Variants in PACS2 observed in about 807,000 individuals in gnomAD.
The protein encoded by PACS2 is phosphofurin acidic cluster sorting protein 2.
PACS2 carries 36 observed loss-of-function variants against 113.0 expected under a neutral mutation model. That is an observed-to-expected ratio of 0.32 (90% CI 0.24 to 0.42). The LOEUF (loss-of-function observed/expected upper bound fraction) is 0.42. Among genes scored for constraint, PACS2 ranks in the 10% least tolerant of loss-of-function variants. The pLI, the probability that PACS2 is intolerant of heterozygous loss-of-function variation, is 1.00. For synonymous variants in PACS2, 589 were observed against 536.1 expected (o/e 1.10, Z -1.36); for missense variants, 1,015 against 1,239.5 (o/e 0.82, Z 2.72).
chr14:105,335,042 A>G (rs1297695592), intron 1 of PACS2, among the ~76,000 whole-genome samples: 2 of 152,208 alleles, frequency 1.3e-5, no homozygotes, highest in African/African-American at 4.8e-5. Flanking sequence ...CCTTCGGGTG[A>G]CTGAGACAGA....
In PACS2 at chr14:105,315,777, G is replaced by T. The variant is rs1247633695; in HGVS notation, c.119+740G>T. On this transcript the variant is annotated intron_variant, in intron 1 of 24. Transcript: ENST00000447393. This position sits in a 1 kb window ranked among gnomAD's most constrained non-coding sequence, Gnocchi z 4.4. ...GTCTCCTGCTCAGTTTGAAACTTTT[G>T]TAATTTCTTCGTGACTTGGTAGTTC... 6.6e-6 allele frequency among the ~76,000 whole-genome samples: 1 copy of T among 152,250 alleles called. No homozygotes were observed. The highest frequency in any genetic ancestry group is 2.4e-5 in the African/African-American group (1 of 41,470).
At chr14:105,353,941 G>C (rs1476930337) in intron 3 of PACS2, among the ~76,000 whole-genome samples, 1 of 151,938 alleles carries the variant, frequency 6.6e-6, no homozygotes, top group East Asian at 2.0e-4. Flanking sequence ...GCCGGGTGTG[G>C]TGGCTCATGC....
Position 105,357,443 on chromosome 14 carries a change from T to A in PACS2, c.423+2266T>A, listed in dbSNP as rs1255920171. On this transcript the variant is annotated intron_variant, in intron 4 of 24. Transcript: ENST00000447393. This position sits in a 1 kb window ranked among gnomAD's most constrained non-coding sequence, Gnocchi z 5.1. The stretch of plus-strand genomic sequence containing the variant: ...CCTGTGGCTTCCAAAGCCGAGGTCA[T>A]CTGACTGCTCCTCGCTCTCCCCTCC... 6.6e-6 allele frequency among the ~76,000 whole-genome samples: 1 copy of A among 152,114 alleles called. No individual in the cohort carries two copies. The highest frequency in any genetic ancestry group is 2.4e-5 in the African/African-American group (1 of 41,424).
intron 20 of PACS2, 77 bp downstream of exon 20, chr14:105,390,080 A>G: frequency 8.0e-7 from 1 of 1,244,970 alleles, no homozygotes; most frequent in Non-Finnish European, 1.2e-6. Flanking sequence ...ACGTTTGGGG[A>G]TTGACTCGAT....
In PACS2 at chr14:105,356,377, C is replaced by G. The variant is rs2060448043; in HGVS notation, c.423+1200C>G. ...TCGCTTCTCCGTGCCGCCGCAGGGC[C>G]TCAGACAAGCTTTGCAGTCTTCCCG... On this transcript the variant is annotated intron_variant, in intron 4 of 24. Coordinates refer to ENST00000447393, the MANE Select transcript of PACS2 (RefSeq NM_001100913.3). The surrounding 1 kb of genome is among the most constrained non-coding windows in gnomAD (Gnocchi z 4.0). Among the ~76,000 whole-genome samples, 2 of 152,218 alleles carry G rather than the reference C, an allele frequency of 1.3e-5. No individual in the cohort carries two copies. Among genetic ancestry groups the G allele is most frequent in the African/African-American group, 4.8e-5 (2 of 41,456 alleles).
At chr14:105,362,393 G>A (rs1315467673) in intron 4 of PACS2, among the ~76,000 whole-genome samples, 2 of 149,904 alleles carry the variant, frequency 1.3e-5, no homozygotes, top group African/African-American at 5.0e-5. Flanking sequence ...CTCCAGCCTG[G>A]GCGACAGAGC....
chr14:105,352,439 C>T lies in PACS2; in HGVS notation c.269C>T (p.Thr90Ile). 1 of 1,611,228 alleles carries T rather than the reference C, an allele frequency of 6.2e-7. No individual in the cohort carries two copies. Among genetic ancestry groups the T allele is most frequent in the Non-Finnish European group, 8.5e-7 (1 of 1,177,592 alleles). ...CTGCCCCCCAGTGGACAAGTGGAGA[C>T]AGACCTGGCCCTGACCTTCTCCTTG... is the stretch of plus-strand genomic sequence containing the variant. ...IVLPPSGQVE[T>I]DLALTFSLQY... Residue 90 changes from threonine to isoleucine, a missense_variant, in exon 3 of 25, where the codon ACA becomes ATA. By Grantham distance (89) the Thr-to-Ile change is moderately conservative (BLOSUM62 -1). Around this residue, in one of 3 missense-constraint regions of PACS2, gnomAD observed 140 missense variants for 135.1 expected, o/e 1.04. Transcript: ENST00000447393.
At chr14:105,318,209 C>T (rs2058745976) in intron 1 of PACS2, among the ~76,000 whole-genome samples, 1 of 152,228 alleles carries the variant, frequency 6.6e-6, no homozygotes, top group Admixed American at 6.5e-5. Context: ...TCTTGAACTC[C>T]TGGGCTCAAG....
chr14:105,326,168 C>T (rs943381396), intron 1 of PACS2, among the ~76,000 whole-genome samples: 2 of 152,222 alleles, frequency 1.3e-5, no homozygotes, highest in South Asian at 2.1e-4. Context: ...TCTCCAGGGC[C>T]GCCTCGAGAC....
chr14:105,351,955 C>T lies in PACS2; in HGVS notation c.208-423C>T, dbSNP rs1555404061. Among the ~76,000 whole-genome samples, 3 of 152,362 alleles carry T rather than the reference C, an allele frequency of 2.0e-5. No individual in the cohort carries two copies. The East Asian group carries it at 5.8e-4, about 29-fold the overall frequency. The stretch of plus-strand genomic sequence containing the variant: ...GGAGGATTGCTTGAGCCCGGGAGCT[C>T]AAGTCCAGCCTGAGCAACACAGCGA... On this transcript the variant is annotated intron_variant, in intron 2 of 24. Transcript: ENST00000447393.
chr14:105,348,798 A>G lies in PACS2; in HGVS notation c.207+218A>G. The G allele has an allele frequency of 1.9e-6, 1 of 529,256 alleles. No individual in the cohort carries two copies. The highest frequency in any genetic ancestry group is 3.4e-6 in the Non-Finnish European group (1 of 293,292). 32.8% of individuals were successfully genotyped at this position (529,256 alleles called of 1,614,324 possible). Reference sequence around the variant, plus strand: ...GCAGGCCCGGCCTTCTGGGATGTGGAGGTCACATGCATGGGGCCTTCCCAG... The same window carrying G: ...GCAGGCCCGGCCTTCTGGGATGTGGGGGTCACATGCATGGGGCCTTCCCAG... On this transcript the variant is annotated intron_variant, in intron 2 of 24. Transcript: ENST00000447393. The surrounding 1 kb of genome is among the most constrained non-coding windows in gnomAD (Gnocchi z 6.4).
intron 7 of PACS2, 90 bp from the exon 8 acceptor site, chr14:105,369,751 C>A (rs2061081010): frequency 6.9e-6 from 8 of 1,156,062 alleles, no homozygotes; most frequent in Admixed American, 4.1e-5. Context: ...CCACGGCGGG[C>A]CTGGGTGCGG....
At position 105,380,958 on chromosome 14, in the gene PACS2, G is replaced by C. The variant is rs1029102035; in HGVS notation, c.1127G>C (p.Gly376Ala). 1.9e-6 allele frequency: 3 copies of C among 1,609,820 alleles called. No individual in the cohort carries two copies. Among genetic ancestry groups the C allele is most frequent in the Non-Finnish European group, 2.5e-6 (3 of 1,178,078 alleles). The change falls in exon 12 of 25, where the codon GGT (glycine) becomes GCT (alanine). Residue 376 changes from glycine (G) to alanine (A), a missense_variant and splice_region_variant. By Grantham distance (60) the Gly-to-Ala change is moderately conservative (BLOSUM62 0). Around this residue, in one of 3 missense-constraint regions of PACS2, gnomAD observed 859 missense variants for 1,056.8 expected, o/e 0.81. Transcript: ENST00000447393. ...SDSVSDTVAL[G>A]VPGPREHPGQ... ...TCCAGGCCCGTCTCTGCTCAGCAGG[G>C]TGTGCCAGGCCCGAGGGAGCACCCT...
At chr14:105,393,427 T>C in intron 24 of PACS2, 92 bp downstream of exon 24, 1 of 777,200 alleles carries the variant, frequency 1.3e-6, no homozygotes, top group Non-Finnish European at 2.1e-6. Flanking sequence ...GCTGCGGGTG[T>C]CTCGCTGTGA....
At chr14:105,339,365 G>A (rs2059639359) in intron 1 of PACS2, among the ~76,000 whole-genome samples, 1 of 151,950 alleles carries the variant, frequency 6.6e-6, no homozygotes, top group East Asian at 1.9e-4. Context: ...AAATTAGCCG[G>A]GTGTGGTGGT....
In PACS2 at chr14:105,381,085, C is replaced by T. The variant is rs371645229; in HGVS notation, c.1254C>T (p.Val418=). The T allele has an allele frequency of 4.3e-6, 7 of 1,611,796 alleles. No individual in the cohort carries two copies. In the Admixed American group the frequency reaches 5.0e-5, roughly 12 times the overall value. ...SGRITKTESL[V]IPSTRSEGKQ... ...GGATCACCAAGACAGAGTCCCTTGT[C>T]ATCCCCTCCACCAGGTGATGGGGGC... The change falls in exon 12 of 25, where the codon GTC becomes GTT. Residue 418 remains valine, a synonymous_variant. Transcript: ENST00000447393.
At chr14:105,322,848 G>T (rs1382200254) in intron 1 of PACS2, among the ~76,000 whole-genome samples, 1 of 152,180 alleles carries the variant, frequency 6.6e-6, no homozygotes, top group African/African-American at 2.4e-5. Flanking sequence ...TTTGTTCTTA[G>T]GATTTCCTTT....
intron 18 of PACS2, 48 bp downstream of exon 18, chr14:105,385,035 C>A: frequency 2.4e-6 from 3 of 1,230,918 alleles, no homozygotes; most frequent in South Asian, 1.3e-5. Context: ...CGCCAGCCAC[C>A]AACCCTCCGT....
In PACS2 at chr14:105,348,851, A is replaced by G; in HGVS notation, c.207+271A>G. ...CAGAGCTGCCCTCGAGTCACCTCAC[A>G]GTGATGGACGGGCCCCAAGCACCTG... On this transcript the variant is annotated intron_variant, in intron 2 of 24. Transcript: ENST00000447393. The surrounding 1 kb of genome is among the most constrained non-coding windows in gnomAD (Gnocchi z 6.4). 5.0e-6 allele frequency: 2 copies of G among 401,092 alleles called. No homozygotes were observed. Among genetic ancestry groups the G allele is most frequent in the African/African-American group, 4.2e-5 (2 of 47,722 alleles). The allele number at this position is 401,092 out of a possible 1,614,324, so 24.8% of individuals were successfully genotyped here.
Sources: gnomAD v4.1 joint callset for allele counts (sites outside exome capture counted in the v4.1 genomes callset) on GRCh38, gnomAD v4.1.1 for gene constraint, gnomAD v4.1.1 regional missense constraint, Gnocchi (gnomAD v3.1) non-coding constraint, MANE v1.5 for transcripts, NCBI Gene and HGNC (gene_info 2026-07-23, HGNC 2026-07-21) for gene names.